CNBD2: variants seen among roughly 807,000 people sequenced by gnomAD.
CNBD2 encodes the protein cyclic nucleotide-binding domain-containing protein 2.
A neutral mutation model predicts 63.7 loss-of-function variants in CNBD2; 64 were observed. The ratio of observed to expected loss-of-function variants is 1.00; its 90% CI spans 0.82 to 1.24. The LOEUF (loss-of-function observed/expected upper bound fraction) is 1.24. CNBD2 is among the 50% of genes most tolerant of loss of function. CNBD2 has a pLI of 0.00. For synonymous variants in CNBD2, 229 were observed against 255.4 expected (o/e 0.90, Z 0.99); for missense variants, 691 against 713.5 (o/e 0.97, Z 0.36).
At chr20:35,957,138 G>A (rs2056264272), downstream of CNBD2, among the ~76,000 whole-genome samples, 1 of 152,108 alleles carries the variant, frequency 6.6e-6, no homozygotes, top group Non-Finnish European at 1.5e-5. Context: ...GATAGGAGGA[G>A]GGACCTGAGA....
At chr20:35,956,159 T>G (rs1178782230), downstream of CNBD2, among the ~76,000 whole-genome samples, 1 of 152,226 alleles carries the variant, frequency 6.6e-6, no homozygotes, top group African/African-American at 2.4e-5. Context: ...TTAACAACCA[T>G]TAACATGCCA....
At chr20:35,972,503 C>A in intron 1 of CNBD2, 126 bp from the exon 2 acceptor site, 1 of 863,532 alleles carries the variant, frequency 1.2e-6, no homozygotes, top group Non-Finnish European at 1.8e-6. Context: ...ACCATCACTC[C>A]AGCACACTAC....
chr20:35,979,357 A>G (rs932252442), intron 3 of CNBD2, among the ~76,000 whole-genome samples: 12 of 152,216 alleles, frequency 7.9e-5, no homozygotes, highest in African/African-American at 2.9e-4. Context: ...CACTTTCATG[A>G]TAATTACATT....
chr20:35,997,590 T>G lies in CNBD2; in HGVS notation c.970+2438T>G, dbSNP rs112518441. On this transcript the variant is annotated intron_variant, in intron 8 of 11. Coordinates refer to ENST00000373973, the MANE Select transcript of CNBD2 (RefSeq NM_001365709.1). ...TGGGCAAGTGGGCCCTATGTCTAAG[T>G]GCACCAGTGCCCTCAGAGTCTGTAA... Among the ~76,000 whole-genome samples, 208 of 152,324 alleles carry G rather than the reference T, an allele frequency of 1.4e-3. 1 individual carries two copies. Among genetic ancestry groups the G allele is most frequent in the African/African-American group, 4.4e-3 (185 of 41,578 alleles).
chr20:36,007,733 G>C lies in CNBD2; in HGVS notation c.971-564G>C, dbSNP rs114426799. Among the ~76,000 whole-genome samples the C allele has an allele frequency of 7.9e-3, 1,201 of 152,220 alleles. 12 individuals carry two copies. The highest frequency in any genetic ancestry group is 0.027 in the African/African-American group (1,134 of 41,532). ...AGATGAGGTCTTGCCATGTTGCCTA[G>C]GCTGGTCTTGAACTCCTGGGCTCAA... On this transcript the variant is annotated intron_variant, in intron 8 of 11. Transcript: ENST00000373973.
intron 3 of CNBD2, among the ~76,000 whole-genome samples, chr20:35,978,822 T>C (rs1015408499): frequency 6.6e-6 from 1 of 152,200 alleles, no homozygotes; most frequent in African/African-American, 2.4e-5. Context: ...TAGTCTTATA[T>C]ATTCTGTGGG....
chr20:35,971,096 C>T (rs1387593966), intron 1 of CNBD2, among the ~76,000 whole-genome samples: 2 of 151,322 alleles, frequency 1.3e-5, no homozygotes, highest in Admixed American at 6.6e-5. Context: ...TACAGGCGCC[C>T]GCCACTACGC....
upstream of CNBD2, among the ~76,000 whole-genome samples, chr20:35,967,507 G>A (rs2056356018): frequency 6.9e-6 from 1 of 145,828 alleles, no homozygotes; most frequent in Admixed American, 6.9e-5. Flanking sequence ...TACAAATGGA[G>A]AGCAAGTGTA....
intron 3 of CNBD2, 104 bp downstream of exon 3, chr20:35,976,106 T>TG: frequency 1.0e-6 from 1 of 985,402 alleles, no homozygotes; most frequent in South Asian, 1.4e-5. Flanking sequence ...GTCTAGGCTC[T>TG]GCCACCAACT....
chr20:35,980,464 C>T lies in CNBD2; in HGVS notation c.249C>T (p.His83=), dbSNP rs1018975739. ...DTMDFIAEEG[H]FPPKAIQIMQ... is the part of the protein sequence containing the mutation. ...CTCTGGTCCTCTCTCCCCAGGGTCA[C>T]TTTCCTCCAAAGGCCATTCAGATCA... The change falls in exon 4 of 12, where the codon CAC becomes CAT. Residue 83 remains histidine, a synonymous_variant. Coordinates refer to ENST00000373973, the MANE Select transcript of CNBD2 (RefSeq NM_001365709.1). 1.9e-6 allele frequency: 3 copies of T among 1,614,174 alleles called. No homozygotes were observed. The highest frequency in any genetic ancestry group is 2.5e-6 in the Non-Finnish European group (3 of 1,180,020).
chr20:36,029,914 T>C (rs970194948), intron 11 of CNBD2, among the ~76,000 whole-genome samples: 8 of 152,140 alleles, frequency 5.3e-5, no homozygotes, highest in African/African-American at 1.9e-4. Flanking sequence ...CCATGGCCAG[T>C]CCAAGGCAGC....
Position 35,983,997 on chromosome 20 carries a change from T to C in CNBD2, c.423T>C (p.Arg141=). ...CTTTTCCCAGGTTTGGTCGCAGGCGTGTGATCATCAAGAAGGGGCAGAAGG... is the reference window on the plus strand; with the variant it reads ...CTTTTCCCAGGTTTGGTCGCAGGCGCGTGATCATCAAGAAGGGGCAGAAGG... ...VMRFERFGRR[R]VIIKKGQKGN... Residue 141 remains arginine, a synonymous_variant, in exon 5 of 12, where the codon CGT becomes CGC. Coordinates refer to ENST00000373973, the MANE Select transcript of CNBD2 (RefSeq NM_001365709.1). The C allele has an allele frequency of 2.5e-6, 4 of 1,614,096 alleles. No homozygotes were observed. Among genetic ancestry groups the C allele is most frequent in the Non-Finnish European group, 3.4e-6 (4 of 1,180,006 alleles).
chr20:35,978,375 A>C (rs1247975749), intron 3 of CNBD2, among the ~76,000 whole-genome samples: 4 of 145,284 alleles, frequency 2.8e-5, no homozygotes, highest in Non-Finnish European at 6.0e-5. Flanking sequence ...GACGGAGTCG[A>C]GCTCTGTCTC....
At chr20:35,954,626 G>T (rs1170640150), upstream of CNBD2, 2 of 1,330,300 alleles carry the variant, frequency 1.5e-6, no homozygotes, top group Non-Finnish European at 2.0e-6. Context: ...AGCTGCGCGT[G>T]GCCTGGGCTC....
At chr20:35,985,587 G>A (rs1320455587) in intron 6 of CNBD2, among the ~76,000 whole-genome samples, 2 of 151,246 alleles carry the variant, frequency 1.3e-5, no homozygotes, top group East Asian at 2.0e-4. Context: ...CTGGGTTCAA[G>A]CAATTCTCCT....
intron 11 of CNBD2, among the ~76,000 whole-genome samples, chr20:36,029,818 G>C (rs2057323054): frequency 6.6e-6 from 1 of 152,094 alleles, no homozygotes; most frequent in African/African-American, 2.4e-5. Context: ...ACCTTGCCTT[G>C]CTGTGGTCTC....
intron 7 of CNBD2, among the ~76,000 whole-genome samples, chr20:35,988,313 T>A (rs967973873): frequency 1.3e-5 from 2 of 151,950 alleles, no homozygotes; most frequent in African/African-American, 4.8e-5. Flanking sequence ...ACTATAGGTA[T>A]GTGCCACCAT....
chr20:35,981,379 C>A (rs887825983), intron 4 of CNBD2, among the ~76,000 whole-genome samples: 6 of 152,126 alleles, frequency 3.9e-5, no homozygotes, highest in Non-Finnish European at 8.8e-5. Context: ...GCTGAATATT[C>A]CTGCTATCTC....
chr20:35,998,117 C>G (rs1275399464), intron 8 of CNBD2, among the ~76,000 whole-genome samples: 1 of 148,844 alleles, frequency 6.7e-6, no homozygotes, highest in Non-Finnish European at 1.5e-5. Flanking sequence ...TCTCAGCTCA[C>G]TTCATCCTCC....
Sources: gnomAD v4.1 joint callset for allele counts (sites outside exome capture counted in the v4.1 genomes callset) on GRCh38, gnomAD v4.1.1 for gene constraint, MANE v1.5 for transcripts, NCBI Gene and HGNC (gene_info 2026-07-23, HGNC 2026-07-21) for gene names.